The following GARIN1B variants were observed in gnomAD, a reference collection of about 807,000 sequenced individuals.
The protein encoded by GARIN1B is golgi associated RAB2 interactor 1B.
the GARIN1B span, chr7:128,713,975 A>G: frequency 1.3e-6 from 2 of 1,525,864 alleles, no homozygotes; most frequent in African/African-American, 1.4e-5. Flanking sequence ...TCTAATCCTT[A>G]GAGAATGTGA....
At chr7:128,726,605 C>A in the GARIN1B span, among the ~76,000 whole-genome samples, 58 of 150,348 alleles carry the variant, frequency 3.9e-4, no homozygotes, top group African/African-American at 1.4e-3. Flanking sequence ...GGGCTCTGCT[C>A]CCCACCTCCC....
chr7:128,730,061 C>A, the GARIN1B span: 1 of 1,613,912 alleles, frequency 6.2e-7, no homozygotes, highest in Non-Finnish European at 8.5e-7. Context: ...CAGCTGGCCC[C>A]ACCCATAGGT....
At chr7:128,718,666 A>T in the GARIN1B span, among the ~76,000 whole-genome samples, 1 of 152,214 alleles carries the variant, frequency 6.6e-6, no homozygotes, top group Non-Finnish European at 1.5e-5. Context: ...CAAGCTCAGC[A>T]GGTGTATTTG....
the GARIN1B span, among the ~76,000 whole-genome samples, chr7:128,710,487 T>C: frequency 6.6e-6 from 1 of 152,140 alleles, no homozygotes; most frequent in Non-Finnish European, 1.5e-5. Context: ...TTTCTATATC[T>C]CTCATTTCTC....
chr7:128,712,453 A>T, the GARIN1B span, among the ~76,000 whole-genome samples: 5 of 152,280 alleles, frequency 3.3e-5, no homozygotes, highest in Admixed American at 3.3e-4. Context: ...GAAACTCTGC[A>T]CCCATTAAAC....
At chr7:128,710,846 C>T in the GARIN1B span, among the ~76,000 whole-genome samples, 3 of 151,878 alleles carry the variant, frequency 2.0e-5, no homozygotes, top group South Asian at 4.2e-4. Context: ...AGAGAAGAGA[C>T]GGGGTTTCTC....
At chr7:128,721,511 A>C in the GARIN1B span, among the ~76,000 whole-genome samples, 4 of 150,014 alleles carry the variant, frequency 2.7e-5, no homozygotes, top group Admixed American at 2.7e-4. Context: ...ACATACACAC[A>C]CCACACACAC....
At chr7:128,724,721 C>T in the GARIN1B span, 1 of 1,288,876 alleles carries the variant, frequency 7.8e-7, no homozygotes. Flanking sequence ...GCAAATGTCA[C>T]CAGGAGAGAA....
the GARIN1B span, among the ~76,000 whole-genome samples, chr7:128,712,037 C>A: frequency 6.6e-6 from 1 of 151,848 alleles, no homozygotes; most frequent in African/African-American, 2.4e-5. Flanking sequence ...CGAGACTCCG[C>A]CTCAAAAAAC....
chr7:128,710,810 C>T, the GARIN1B span, among the ~76,000 whole-genome samples: 4 of 152,032 alleles, frequency 2.6e-5, no homozygotes, highest in Admixed American at 6.6e-5. Flanking sequence ...TGTGCCACCA[C>T]GCCCAGCTAA....
the GARIN1B span, among the ~76,000 whole-genome samples, chr7:128,721,002 A>C: frequency 6.6e-6 from 1 of 151,252 alleles, no homozygotes; most frequent in African/African-American, 2.5e-5. Context: ...CAAAAAAAAA[A>C]CCTGTTAGAA....
the GARIN1B span, among the ~76,000 whole-genome samples, chr7:128,717,763 T>C: frequency 1.3e-5 from 2 of 151,482 alleles, no homozygotes; most frequent in Non-Finnish European, 2.9e-5. Flanking sequence ...TTTTTGTTTT[T>C]TTTTTTTAAT....
the GARIN1B span, among the ~76,000 whole-genome samples, chr7:128,729,256 A>G: frequency 9.9e-5 from 15 of 152,156 alleles, no homozygotes; most frequent in Non-Finnish European, 1.5e-4. Flanking sequence ...TAAAATTGGA[A>G]AAACCAGAGG....
At chr7:128,725,878 C>T in the GARIN1B span, among the ~76,000 whole-genome samples, 1 of 152,166 alleles carries the variant, frequency 6.6e-6, no homozygotes, top group Non-Finnish European at 1.5e-5. Flanking sequence ...CTGGCACTCT[C>T]TGGCACAGAC....
the GARIN1B span, chr7:128,715,495 A>G: frequency 1.8e-5 from 29 of 1,614,050 alleles, no homozygotes; most frequent in Middle Eastern, 1.6e-4. Context: ...AGAAGACAGT[A>G]AAAGTCACAA....
chr7:128,722,361 A>G, the GARIN1B span, among the ~76,000 whole-genome samples: 11 of 152,280 alleles, frequency 7.2e-5, 1 homozygote, highest in South Asian at 1.2e-3. Flanking sequence ...TTGGCATTCA[A>G]TAAATACGGA....
the GARIN1B span, among the ~76,000 whole-genome samples, chr7:128,711,011 TG>T: frequency 1.1e-3 from 173 of 152,272 alleles, no homozygotes; most frequent in African/African-American, 4.1e-3. Context: ...CATCTTATTT[TG>T]GTATCTCTAT....
chr7:128,711,236 TA>T, the GARIN1B span, among the ~76,000 whole-genome samples: 204 of 148,770 alleles, frequency 1.4e-3, no homozygotes, highest in African/African-American at 4.6e-3. Context: ...CTATTTTAAT[TA>T]AAAAAAAAAG....
chr7:128,714,164 C>T, the GARIN1B span: 1 of 1,533,780 alleles, frequency 6.5e-7, no homozygotes, highest in African/African-American at 1.4e-5. Flanking sequence ...AGGCTTCTCC[C>T]TGACTTTATA....
Sources: gnomAD v4.1 joint callset for allele counts (sites outside exome capture counted in the v4.1 genomes callset) on GRCh38, gnomAD v4.1.1 for gene constraint, MANE v1.5 for transcripts, NCBI Gene and HGNC (gene_info 2026-07-23, HGNC 2026-07-21) for gene names.